Variants in SPAG16 observed in about 807,000 individuals in gnomAD.
SPAG16 encodes sperm associated antigen 16.
In SPAG16, 86 loss-of-function variants were observed where a neutral mutation model predicts 80.4. The observed-to-expected ratio is 1.07, with a 90% CI of 0.90 to 1.28. SPAG16 has a LOEUF of 1.28. Ranked by LOEUF, SPAG16 falls within the 50% of genes most tolerant of loss-of-function variation. The pLI is 0.00. For missense variants in SPAG16, 870 were observed against 765.3 expected (o/e 1.14, Z -1.61); for synonymous variants, 294 against 265.9 (o/e 1.11, Z -1.03).
At chr2:214,166,251 C>T (rs991927103) in intron 15 of SPAG16, among the ~76,000 whole-genome samples, 3 of 152,068 alleles carry the variant, frequency 2.0e-5, no homozygotes, top group Admixed American at 6.6e-5. Flanking sequence ...CTCCATTGGC[C>T]CCATTCCTCC....
At chr2:213,948,826 T>G (rs1157984038) in intron 12 of SPAG16, among the ~76,000 whole-genome samples, 1 of 152,240 alleles carries the variant, frequency 6.6e-6, no homozygotes. Flanking sequence ...CTGTATATAT[T>G]TCTGTTACAT....
At chr2:213,581,839 A>G (rs2060308077) in intron 10 of SPAG16, among the ~76,000 whole-genome samples, 1 of 152,180 alleles carries the variant, frequency 6.6e-6, no homozygotes, top group Non-Finnish European at 1.5e-5. Context: ...TGTGATTTAT[A>G]AGATGTGAAT....
intron 13 of SPAG16, among the ~76,000 whole-genome samples, chr2:214,025,586 A>G (rs943836016): frequency 2.0e-5 from 3 of 151,688 alleles, no homozygotes; most frequent in African/African-American, 2.4e-5. Flanking sequence ...TAAATGCAAC[A>G]TTTGTGGCAA....
chr2:213,604,392 C>T (rs1366831457), intron 10 of SPAG16, among the ~76,000 whole-genome samples: 2 of 152,092 alleles, frequency 1.3e-5, no homozygotes, highest in African/African-American at 4.8e-5. Flanking sequence ...CTTCATGAGG[C>T]AGAAACCATA....
intron 10 of SPAG16, among the ~76,000 whole-genome samples, chr2:213,514,753 T>C (rs1367117274): frequency 1.3e-5 from 2 of 152,004 alleles, no homozygotes; most frequent in African/African-American, 4.8e-5. Context: ...ATTATAATTT[T>C]AACACTGAAA....
intron 15 of SPAG16, among the ~76,000 whole-genome samples, chr2:214,195,406 TTACTC>T (rs2057802929): frequency 6.6e-6 from 1 of 151,956 alleles, no homozygotes; most frequent in Admixed American, 6.6e-5. Context: ...TTTACAAAGA[TTACTC>T]TAACAACTCT....
chr2:214,391,143 G>A (rs1319127878), intron 15 of SPAG16, among the ~76,000 whole-genome samples: 1 of 152,098 alleles, frequency 6.6e-6, no homozygotes, highest in African/African-American at 2.4e-5. Flanking sequence ...AACATACTGG[G>A]TATGAATCTT....
chr2:213,730,995 T>G (rs765107303), intron 10 of SPAG16, among the ~76,000 whole-genome samples: 3 of 152,106 alleles, frequency 2.0e-5, no homozygotes, highest in Non-Finnish European at 4.4e-5. Context: ...TATTACATTT[T>G]TTTATTTTTT....
At chr2:213,865,239 G>A (rs1376750845) in intron 11 of SPAG16, among the ~76,000 whole-genome samples, 4 of 151,888 alleles carry the variant, frequency 2.6e-5, no homozygotes, top group East Asian at 1.9e-4. Context: ...CCAAAATCTA[G>A]CATAAATTCC....
chr2:213,334,389 A>G (rs2064250482), intron 5 of SPAG16, among the ~76,000 whole-genome samples: 1 of 152,194 alleles, frequency 6.6e-6, no homozygotes, highest in Admixed American at 6.5e-5. Context: ...TGTGAAGAAC[A>G]GTTCGCAGTT....
intron 10 of SPAG16, among the ~76,000 whole-genome samples, chr2:213,525,319 C>T (rs1286815560): frequency 1.2e-4 from 14 of 120,634 alleles, no homozygotes; most frequent in African/African-American, 3.7e-4. Context: ...GACAGAGTCT[C>T]GCTTGTTCAC....
chr2:213,769,270 A>G (rs1211133191), intron 10 of SPAG16, among the ~76,000 whole-genome samples: 1 of 152,150 alleles, frequency 6.6e-6, no homozygotes, highest in Non-Finnish European at 1.5e-5. Flanking sequence ...CTCCTTTTAT[A>G]TATCAGTGAG....
chr2:214,248,362 G>A (rs879315239), intron 15 of SPAG16, among the ~76,000 whole-genome samples: 3 of 150,046 alleles, frequency 2.0e-5, no homozygotes, highest in Non-Finnish European at 4.4e-5. Context: ...TGTGTCGCCA[G>A]GCTGGAGTGC....
chr2:214,169,688 A>G (rs1377378989), intron 15 of SPAG16, among the ~76,000 whole-genome samples: 1 of 152,082 alleles, frequency 6.6e-6, no homozygotes, highest in Non-Finnish European at 1.5e-5. Flanking sequence ...TTAGAAAGTT[A>G]TCTAAGATGA....
intron 9 of SPAG16, among the ~76,000 whole-genome samples, chr2:213,423,463 C>T (rs901432178): frequency 3.9e-5 from 6 of 152,110 alleles, no homozygotes; most frequent in Non-Finnish European, 8.8e-5. Context: ...TACTCAGATG[C>T]TAGGTTGGTC....
At chr2:214,264,473 G>A (rs925096002) in intron 15 of SPAG16, among the ~76,000 whole-genome samples, 2 of 152,034 alleles carry the variant, frequency 1.3e-5, no homozygotes, top group Non-Finnish European at 2.9e-5. Context: ...TATTTTTAGA[G>A]TAGTTTTAGG....
At chr2:213,932,165 TATATATATATATATATATATA>T (rs1559602347) in intron 12 of SPAG16, among the ~76,000 whole-genome samples, 40 of 17,488 alleles carry the variant, frequency 2.3e-3, no homozygotes, top group African/African-American at 3.6e-3. Context: ...TATATATATA[TATATATATATATATATATATA>T]TATATATATA....
At chr2:213,942,890 T>C (rs1336852943) in intron 12 of SPAG16, among the ~76,000 whole-genome samples, 7 of 152,152 alleles carry the variant, frequency 4.6e-5, no homozygotes, top group Non-Finnish European at 2.9e-5. Context: ...TGTGATGATA[T>C]TTGAAGGTGA....
At chr2:213,856,315 ATACAGCCCCCTCCCAGCTGCTTTCATGGG>A (rs1199646783) in intron 10 of SPAG16, among the ~76,000 whole-genome samples, 6 of 152,304 alleles carry the variant, frequency 3.9e-5, no homozygotes, top group Admixed American at 3.3e-4. Context: ...GCTTTGCAGG[ATACAGCCCCCTCCCAGCTGCTTTCATGGG>A]TATTGAGTGT....
Sources: allele counts gnomAD v4.1 joint callset (sites outside exome capture counted in the v4.1 genomes callset), GRCh38; gene constraint gnomAD v4.1.1; transcripts MANE v1.5; gene names NCBI Gene and HGNC (gene_info 2026-07-23, HGNC 2026-07-21).